LRCH1: variants seen among roughly 807,000 people sequenced by gnomAD.
LRCH1 encodes leucine-rich repeat and calponin homology domain-containing protein 1.
LRCH1 carries 23 observed loss-of-function variants against 94.9 expected under a neutral mutation model. The ratio of observed to expected loss-of-function variants is 0.24; its 90% confidence interval spans 0.17 to 0.34. LRCH1 has a LOEUF of 0.34. Among genes scored for constraint, LRCH1 ranks in the 10% least tolerant of loss-of-function variants. The probability of loss-of-function intolerance (pLI) is 1.00; values close to 1 mark genes in which losing one functional copy is unlikely to be tolerated. For missense variants in LRCH1, 790 were observed against 945.9 expected (o/e 0.84, Z 2.16); for synonymous variants, 364 against 354.9 (o/e 1.03, Z -0.29).
At chr13:46,663,211 AAATT>A (rs1254451294) in intron 2 of LRCH1, among the ~76,000 whole-genome samples, 2 of 152,238 alleles carry the variant, frequency 1.3e-5, no homozygotes, top group Non-Finnish European at 2.9e-5. Context: ...TCTGTCCTAA[AAATT>A]AATGTCAAAT....
rs114322248 is a variant in LRCH1 at position 46,707,097 on chromosome 13, T to C, written c.1527+1793T>C. Among the ~76,000 whole-genome samples, 625 of 152,362 alleles carry C rather than the reference T, an allele frequency of 4.1e-3. 2 individuals are homozygous for C. The highest frequency in any genetic ancestry group is 0.014 in the African/African-American group (596 of 41,590). ...CCTCCAAATTTGTGAGTTAATCTAA[T>C]GATGCTCATCAGAGCATTTTTTTCC... is the stretch of plus-strand genomic sequence containing the variant. On this transcript the variant is annotated intron_variant, in intron 13 of 19. Transcript: ENST00000389797.
chr13:46,562,985 C>T (rs1161889983), intron 1 of LRCH1, among the ~76,000 whole-genome samples: 1 of 152,184 alleles, frequency 6.6e-6, no homozygotes, highest in Non-Finnish European at 1.5e-5. Flanking sequence ...GTTGGTGGGT[C>T]CCTAGAGTCA....
At chr13:46,697,876 G>GA (rs1424065905) in intron 9 of LRCH1, among the ~76,000 whole-genome samples, 4 of 29,032 alleles carry the variant, frequency 1.4e-4, no homozygotes, top group Non-Finnish European at 4.1e-4. Flanking sequence ...TTTGCCTAAT[G>GA]AAAAAAAGAG....
chr13:46,680,368 C>A (rs1405366543), intron 3 of LRCH1, among the ~76,000 whole-genome samples: 1 of 152,190 alleles, frequency 6.6e-6, no homozygotes, highest in African/African-American at 2.4e-5. Context: ...CACCCAGGAG[C>A]TCATAGGTTT....
chr13:46,738,200 G>A (rs1002975191), intron 19 of LRCH1, among the ~76,000 whole-genome samples: 2 of 152,218 alleles, frequency 1.3e-5, no homozygotes, highest in African/African-American at 4.8e-5. Flanking sequence ...GCTCCTTCCT[G>A]CCTATCTGGG....
At chr13:46,670,344 A>G (rs5013916) in intron 3 of LRCH1, among the ~76,000 whole-genome samples, 10,618 of 152,248 alleles carry the variant, frequency 0.07, 449 homozygotes, top group East Asian at 0.21. Context: ...AGTGACTAGG[A>G]CAAGACACTG....
intron 1 of LRCH1, among the ~76,000 whole-genome samples, chr13:46,623,412 ATTAAT>A (rs2050903743): frequency 6.6e-6 from 1 of 152,308 alleles, no homozygotes; most frequent in East Asian, 1.9e-4. Flanking sequence ...CACAAATATG[ATTAAT>A]TTAAGAGTCT....
At chr13:46,678,760 C>T (rs964330349) in intron 3 of LRCH1, among the ~76,000 whole-genome samples, 10 of 151,932 alleles carry the variant, frequency 6.6e-5, no homozygotes, top group Admixed American at 1.3e-4. Context: ...TAGAAACATA[C>T]GATGGAAAAA....
intron 1 of LRCH1, among the ~76,000 whole-genome samples, chr13:46,612,940 G>A (rs556424694): frequency 6.7e-4 from 102 of 152,220 alleles, no homozygotes; most frequent in African/African-American, 2.2e-3. Context: ...TGAAGTAATC[G>A]TATGTGTTCC....
At chr13:46,601,304 A>G (rs2053097993) in intron 1 of LRCH1, among the ~76,000 whole-genome samples, 1 of 152,202 alleles carries the variant, frequency 6.6e-6, no homozygotes, top group Non-Finnish European at 1.5e-5. Context: ...CATGTATAGA[A>G]AGAGATGTGC....
In LRCH1 at chr13:46,728,900, C is replaced by T; in HGVS notation, c.1923C>T (p.Leu641=). Residue 641 remains leucine, a synonymous_variant, in exon 18 of 20, where the codon CTC becomes CTT. Transcript: ENST00000389797. ...TACACGAAGACCTGGGGGCAGCCCT[C>T]ATGGATGGTGTCGTCCTCTGCCATC... ...VSLHEDLGAA[L]MDGVVLCHLV... 1.2e-6 allele frequency: 2 copies of T among 1,613,672 alleles called. No individual in the cohort carries two copies. The highest frequency in any genetic ancestry group is 1.7e-6 in the Non-Finnish European group (2 of 1,179,780).
intron 1 of LRCH1, among the ~76,000 whole-genome samples, chr13:46,636,433 A>G (rs1018496946): frequency 1.3e-5 from 2 of 152,130 alleles, no homozygotes; most frequent in African/African-American, 4.8e-5. Context: ...TTATTAAGCC[A>G]CCAATCTGCA....
intron 6 of LRCH1, 23 bp from the exon 7 acceptor site, chr13:46,689,110 A>G: frequency 6.4e-7 from 1 of 1,570,268 alleles, no homozygotes; most frequent in Non-Finnish European, 8.7e-7. Context: ...AAATGAATTC[A>G]ATATTGATGG....
At chr13:46,571,141 A>G (rs1203863722) in intron 1 of LRCH1, among the ~76,000 whole-genome samples, 1 of 152,250 alleles carries the variant, frequency 6.6e-6, no homozygotes, top group Non-Finnish European at 1.5e-5. Flanking sequence ...TTGTGTTCCA[A>G]CAATTGTTAC....
chr13:46,582,163 A>AAAAAG (rs2050375410), intron 1 of LRCH1, among the ~76,000 whole-genome samples: 1 of 150,972 alleles, frequency 6.6e-6, no homozygotes, highest in African/African-American at 2.4e-5. Context: ...AAAAAAAAAA[A>AAAAAG]AAAGAAAGAA....
At chr13:46,610,501 T>A (rs80087322) in intron 1 of LRCH1, among the ~76,000 whole-genome samples, 27 of 151,738 alleles carry the variant, frequency 1.8e-4, no homozygotes, top group Non-Finnish European at 2.9e-4. Context: ...TTTTTTTTTT[T>A]AATTTCAGTA....
intron 2 of LRCH1, among the ~76,000 whole-genome samples, chr13:46,660,002 G>A (rs907458475): frequency 6.9e-6 from 1 of 144,818 alleles, no homozygotes; most frequent in Non-Finnish European, 1.5e-5. Flanking sequence ...ATCGGTAAAG[G>A]AAGTCTCACT....
chr13:46,653,634 G>C (rs1328807592), intron 2 of LRCH1, among the ~76,000 whole-genome samples: 1 of 151,998 alleles, frequency 6.6e-6, no homozygotes, highest in Admixed American at 6.6e-5. Context: ...TGACCAGCCT[G>C]GGCAACATGT....
intron 10 of LRCH1, among the ~76,000 whole-genome samples, chr13:46,700,581 A>C (rs954075924): frequency 7.2e-5 from 11 of 152,212 alleles, no homozygotes; most frequent in Non-Finnish European, 1.2e-4. Context: ...GAGCTTTATA[A>C]AATGCTGAAC....
Sources: allele counts gnomAD v4.1 joint callset (sites outside exome capture counted in the v4.1 genomes callset), GRCh38; gene constraint gnomAD v4.1.1; transcripts MANE v1.5; gene names NCBI Gene and HGNC (gene_info 2026-07-23, HGNC 2026-07-21).